The following ZNF652 variants were observed in gnomAD, a reference collection of about 807,000 sequenced individuals.
ZNF652 encodes zinc finger protein 652.
ZNF652 carries 16 observed loss-of-function variants against 45.2 expected under a neutral mutation model. The ratio of observed to expected loss-of-function variants is 0.35; its 90% CI spans 0.24 to 0.54. The LOEUF is 0.54. Among genes scored for constraint, ZNF652 ranks in the 20% least tolerant of loss-of-function variants. ZNF652 has a pLI of 0.91. For synonymous variants in ZNF652, 250 were observed against 260.6 expected, an observed-to-expected ratio of 0.96 and a Z score of 0.39; for missense variants, 614 against 765.6, an observed-to-expected ratio of 0.80 and a Z score of 2.34.
At chr17:49,324,161 C>T (rs113313096) in intron 1 of ZNF652, among the ~76,000 whole-genome samples, 215 of 152,328 alleles carry the variant, frequency 1.4e-3, no homozygotes, top group African/African-American at 5.0e-3. Context: ...GCTGCTTCAC[C>T]GTGCACTTTT....
chr17:49,319,165 C>T (rs2143808477), intron 1 of ZNF652, among the ~76,000 whole-genome samples: 1 of 152,258 alleles, frequency 6.6e-6, no homozygotes, highest in South Asian at 2.1e-4. Context: ...ACCCACCTAT[C>T]CTCTTGAGTC....
At chr17:49,351,008 TATATATACAC>T (rs1196766554) in intron 1 of ZNF652, among the ~76,000 whole-genome samples, 12 of 18,442 alleles carry the variant, frequency 6.5e-4, no homozygotes, top group South Asian at 3.2e-3. Context: ...TATATATATA[TATATATACAC>T]ACACACACAC....
chr17:49,316,739 G>A, intron 2 of ZNF652, 87 bp downstream of exon 2: 5 of 1,362,192 alleles, frequency 3.7e-6, no homozygotes, highest in Non-Finnish European at 5.0e-6. Flanking sequence ...AGCCTCTATT[G>A]CATTTATTCT....
intron 1 of ZNF652, among the ~76,000 whole-genome samples, chr17:49,342,571 G>GGGA (rs2070160579): frequency 1.5e-5 from 1 of 68,272 alleles, no homozygotes; most frequent in African/African-American, 5.1e-5. Flanking sequence ...GGGGGGGGGG[G>GGGA]AATCAATACA....
At position 49,351,050 on chromosome 17, in the gene ZNF652, CACACAT is replaced by C. The variant is rs1243229981; in HGVS notation, c.-259+10853_-259+10858del. On this transcript the variant is annotated intron_variant, in intron 1 of 5. Coordinates refer to ENST00000430262, the MANE Select transcript of ZNF652 (RefSeq NM_001145365.3). ...ACACACACACACACACACACACACACACACATATTTTTATATAAATATTTATATATA... is the reference window on the plus strand; with the variant it reads ...ACACACACACACACACACACACACACATTTTTATATAAATATTTATATATA... 3.5e-4 allele frequency among the ~76,000 whole-genome samples: 46 copies of C among 129,848 alleles called. 1 individual carries two copies. Among genetic ancestry groups the C allele is most frequent in the African/African-American group, 1.1e-3 (39 of 34,044 alleles). 85.2% of individuals were successfully genotyped at this position (129,848 alleles called of 152,430 possible).
At chr17:49,359,013 A>G (rs967018213) in intron 1 of ZNF652, among the ~76,000 whole-genome samples, 7 of 152,294 alleles carry the variant, frequency 4.6e-5, no homozygotes, top group South Asian at 2.1e-4. Flanking sequence ...TCACAACCGT[A>G]TATGTTATAT....
chr17:49,357,140 T>C (rs765868749), intron 1 of ZNF652, among the ~76,000 whole-genome samples: 1 of 151,062 alleles, frequency 6.6e-6, no homozygotes, highest in Non-Finnish European at 1.5e-5. Context: ...TTACTAAAAA[T>C]ACAAAAAAAT....
Position 49,296,763 on chromosome 17 carries a change from T to C in ZNF652, c.*1650A>G. ...CTTAAAAAAAAAATTGGAGAGGGGG[T>C]GGGAGGTAAGTGATTTAGCCTGGGA... On this transcript the variant is annotated 3_prime_UTR_variant, in exon 6 of 6. Transcript: ENST00000430262. 6.7e-6 allele frequency: 1 copy of C among 149,962 alleles called. No individual in the cohort carries two copies. Among genetic ancestry groups the C allele is most frequent in the Non-Finnish European group, 1.5e-5 (1 of 67,460 alleles). 9.3% of individuals were successfully genotyped at this position (149,962 alleles called of 1,614,324 possible). A position where few individuals can be genotyped will look rare whatever the true frequency, so the allele number is the denominator to read the frequency against.
At chr17:49,321,545 C>T (rs151335904) in intron 1 of ZNF652, among the ~76,000 whole-genome samples, 2,236 of 147,964 alleles carry the variant, frequency 0.015, 45 homozygotes, top group Non-Finnish European at 0.017. Context: ...GCTGGAATTA[C>T]AGGCGTGAGC....
rs2069431329 is a variant in ZNF652 at position 49,293,559 on chromosome 17, T to C, written c.*4854A>G. Among the ~76,000 whole-genome samples the C allele has an allele frequency of 6.6e-6, 1 of 151,832 alleles. No homozygotes were observed. Among genetic ancestry groups the C allele is most frequent in the Admixed American group, 6.6e-5 (1 of 15,192 alleles). ...CCAGGGTTGGAAGGTCATCATTCTT[T>C]ATTGTAAGTGCTACAGATGACAAAA... On this transcript the variant is annotated 3_prime_UTR_variant, in exon 6 of 6. Transcript: ENST00000430262.
At chr17:49,333,568 A>AAATAAAAAT (rs2070048352) in intron 1 of ZNF652, among the ~76,000 whole-genome samples, 1 of 138,536 alleles carries the variant, frequency 7.2e-6, no homozygotes, top group Non-Finnish European at 1.6e-5. Context: ...AAAAAAAAAA[A>AAATAAAAAT]AATTACCCAG....
chr17:49,306,228 G>A (rs1315071326), intron 5 of ZNF652, among the ~76,000 whole-genome samples: 2 of 152,092 alleles, frequency 1.3e-5, no homozygotes, highest in Non-Finnish European at 2.9e-5. Flanking sequence ...CAACATTAAT[G>A]AAATTAAAAA....
rs1450755927 is a variant in ZNF652, at chr17:49,316,745, A to C, written c.900+81T>G. On this transcript the variant is annotated intron_variant, in intron 2 of 5. Transcript: ENST00000430262. Reference sequence around the variant, plus strand: ...TGTCCCTTCAGCCTCTATTGCATTTATTCTCTTGGGCGGATACCAGATGAA... The same window carrying C: ...TGTCCCTTCAGCCTCTATTGCATTTCTTCTCTTGGGCGGATACCAGATGAA... 3 of 1,417,618 alleles carry C rather than the reference A, an allele frequency of 2.1e-6. No homozygotes were observed. In the African/African-American group the frequency reaches 4.3e-5, roughly 20 times the overall value. The allele number at this position is 1,417,618 out of a possible 1,614,324, so 87.8% of individuals were successfully genotyped here.
intron 5 of ZNF652, among the ~76,000 whole-genome samples, chr17:49,299,464 T>G (rs2240302): frequency 0.22 from 32,785 of 152,006 alleles, 3,690 homozygotes; most frequent in South Asian, 0.32. Flanking sequence ...CACTGCAACC[T>G]CCACCTCCCG....
rs1374945523 is a variant in ZNF652, at chr17:49,317,751, A to C, written c.-26T>G. On this transcript the variant is annotated 5_prime_UTR_variant, in exon 2 of 6. Transcript: ENST00000430262. ...TGGTAAGTGGCCCAATTTATTAAAC[A>C]GTTCAGACTATAAAGAAATAGCTTT... The C allele has an allele frequency of 3.9e-6, 6 of 1,522,342 alleles. No homozygotes were observed. The East Asian group carries it at 1.4e-4, about 35-fold the overall frequency. 94.3% of individuals were successfully genotyped at this position (1,522,342 alleles called of 1,614,324 possible).
rs144857266 is a variant in ZNF652, at chr17:49,327,533, T to G, written c.-258-9550A>C. Among the ~76,000 whole-genome samples the G allele has an allele frequency of 3.4e-4, 51 of 151,134 alleles. 1 individual carries two copies. Among genetic ancestry groups the G allele is most frequent in the African/African-American group, 1.1e-3 (46 of 41,168 alleles). On this transcript the variant is annotated intron_variant, in intron 1 of 5. Transcript: ENST00000430262. ...TACTATGTGTTAGGTATTGTAGGAGTTGGAACCATCAAGGTGCTCAAAGAT... is the reference window on the plus strand; with the variant it reads ...TACTATGTGTTAGGTATTGTAGGAGGTGGAACCATCAAGGTGCTCAAAGAT...
At chr17:49,339,512 C>T (rs910936038) in intron 1 of ZNF652, among the ~76,000 whole-genome samples, 1 of 152,030 alleles carries the variant, frequency 6.6e-6, no homozygotes, top group African/African-American at 2.4e-5. Context: ...CCTCGTGGCA[C>T]TAGCCAGAAA....
rs1428613173 is a variant in ZNF652 at position 49,289,220 on chromosome 17, T to G, written c.*9193A>C. 5.3e-5 allele frequency: 5 copies of G among 94,930 alleles called. No homozygotes were observed. The Admixed American group carries it at 6.1e-4, about 12-fold the overall frequency. The allele number at this position is 94,930 out of a possible 1,614,324, so 5.9% of individuals were successfully genotyped here. ...CACACAGGGGATATGGCTGCTTTTTTTTTTTTTTTTTACTTTGAACATTAG... is the reference window on the plus strand; with the variant it reads ...CACACAGGGGATATGGCTGCTTTTTGTTTTTTTTTTTACTTTGAACATTAG... On this transcript the variant is annotated 3_prime_UTR_variant, in exon 6 of 6. Transcript: ENST00000430262.
At position 49,298,541 on chromosome 17, in the gene ZNF652, G is replaced by A. The variant is rs2069505817; in HGVS notation, c.1693C>T (p.Pro565Ser). 19 of 1,612,150 alleles carry A rather than the reference G, an allele frequency of 1.2e-5. No individual in the cohort carries two copies. The highest frequency in any genetic ancestry group is 2.7e-5 in the African/African-American group (2 of 74,992). Residue 565 changes from proline to serine, a missense_variant, in exon 6 of 6, where the codon CCT (proline) becomes TCT (serine). Pro to Ser is a moderately conservative substitution (Grantham distance 74). This residue lies in a region of ZNF652 where 132 missense variants were observed against 137.2 expected (regional missense o/e 0.96). Transcript: ENST00000430262. ...GGTGGCGGGAGGTGAGGGACTGGAG[G>A]GATGGGAAGGTGGTGTGGGTGGTGA... ...HPHHPHHLPI[P>S]PVPHLPPPPA...
Sources: allele counts gnomAD v4.1 joint callset (sites outside exome capture counted in the v4.1 genomes callset), GRCh38; gene constraint gnomAD v4.1.1; regional missense constraint gnomAD v4.1.1; transcripts MANE v1.5; gene names NCBI Gene and HGNC (gene_info 2026-07-23, HGNC 2026-07-21).